Variants in SI observed in about 807,000 individuals in gnomAD.
SI encodes sucrase-isomaltase, also known as sucrase-isomaltase, intestinal.
Under a neutral mutation model 253.3 loss-of-function variants are expected in SI, and 235 were observed. That is an observed-to-expected ratio of 0.93 (90% CI 0.83 to 1.03). SI has a LOEUF of 1.03. Ranked by LOEUF, SI falls within the 50% of genes least tolerant of loss-of-function variation. SI has a pLI of 0.00. For missense variants in SI, 2,442 were observed against 2,211.1 expected, an observed-to-expected ratio of 1.10 and a Z score of -2.09; for synonymous variants, 819 against 712.0, an observed-to-expected ratio of 1.15 and a Z score of -2.39.
At position 165,063,484 on chromosome 3, in the gene SI, C is replaced by A; in HGVS notation, c.865G>T (p.Gly289Ter). The A allele has an allele frequency of 1.3e-6, 2 of 1,563,278 alleles. No individual in the cohort carries two copies. The highest frequency in any genetic ancestry group is 1.8e-6 in the Non-Finnish European group (2 of 1,137,406). ...TFFMCIEDTS[G>*]KSFGVFLMNS... ...ATTAAAAAAACACCGAATGACTTTC[C>A]AGATGTATCTTCAATACACATAAAG... Residue 289 changes from glycine to a stop codon, truncating the protein, a stop_gained, in exon 8 of 48, where the codon GGA becomes TGA. Coordinates refer to ENST00000264382, the MANE Select transcript of SI (RefSeq NM_001041.4). LOFTEE classifies it high-confidence loss of function.
chr3:165,054,102 T>A (rs12186083), intron 13 of SI, among the ~76,000 whole-genome samples: 4 of 151,830 alleles, frequency 2.6e-5, no homozygotes, highest in African/African-American at 9.7e-5. Context: ...GATAGATACA[T>A]GGTGCAAAAT....
At chr3:165,009,146 G>T in intron 35 of SI, 133 bp downstream of exon 35, 1 of 658,454 alleles carries the variant, frequency 1.5e-6, no homozygotes, top group Non-Finnish European at 2.7e-6. Context: ...GTGTAAGAAA[G>T]TTCTGTGGGG....
chr3:165,028,115 A>G (rs2108197232), intron 25 of SI, among the ~76,000 whole-genome samples: 1 of 151,586 alleles, frequency 6.6e-6, no homozygotes, highest in South Asian at 2.1e-4. Flanking sequence ...TAACGTACAG[A>G]AGTCAGTAGC....
chr3:165,024,212 C>T (rs549485104), intron 25 of SI, among the ~76,000 whole-genome samples: 1 of 151,434 alleles, frequency 6.6e-6, no homozygotes, highest in East Asian at 1.9e-4. Flanking sequence ...ATGAAACTCT[C>T]AATCCTTCTT....
At chr3:164,984,828 A>T (rs1247327051) in intron 45 of SI, among the ~76,000 whole-genome samples, 2 of 152,154 alleles carry the variant, frequency 1.3e-5, no homozygotes, top group Non-Finnish European at 2.9e-5. Context: ...TTCAGATTGG[A>T]TGCCCATCAA....
chr3:165,040,209 A>G (rs1353553964), intron 18 of SI, among the ~76,000 whole-genome samples: 1 of 150,244 alleles, frequency 6.7e-6, no homozygotes, highest in African/African-American at 2.4e-5. Flanking sequence ...AGAAAGGAAA[A>G]GGAAGAAATG....
chr3:165,047,035 A>T, intron 15 of SI, 23 bp from the exon 16 acceptor site: 4 of 1,492,744 alleles, frequency 2.7e-6, no homozygotes, highest in Non-Finnish European at 3.7e-6. Context: ...CCAAATTAAC[A>T]AATACAATTT....
intron 25 of SI, among the ~76,000 whole-genome samples, chr3:165,026,458 T>G: frequency 6.6e-6 from 1 of 151,448 alleles, no homozygotes; most frequent in South Asian, 2.1e-4. Flanking sequence ...ACAATGGATT[T>G]AAACCATACC....
intron 34 of SI, among the ~76,000 whole-genome samples, chr3:165,010,597 TTAA>T (rs1240218995): frequency 2.6e-5 from 4 of 152,232 alleles, no homozygotes; most frequent in African/African-American, 9.6e-5. Flanking sequence ...CGTATGATAA[TTAA>T]TAACAAATGG....
At chr3:165,076,974 G>GTTTTTTTTTTTTTTTTTTTTTTTT (rs1234651334) in intron 1 of SI, among the ~76,000 whole-genome samples, 1 of 137,022 alleles carries the variant, frequency 7.3e-6, no homozygotes. Flanking sequence ...TAAAATCACG[G>GTTTTTTTTTTTTTTTTTTTTTTTT]TTTGTTTTTT....
intron 45 of SI, among the ~76,000 whole-genome samples, 191 bp downstream of exon 45, chr3:164,986,945 TAA>T (rs1433691909): frequency 6.6e-6 from 1 of 152,232 alleles, no homozygotes; most frequent in African/African-American, 2.4e-5. Flanking sequence ...ATATTTAGGA[TAA>T]GAGAAGTCTT....
chr3:165,029,632 T>TTATA (rs539892327), intron 25 of SI, among the ~76,000 whole-genome samples: 1 of 91,310 alleles, frequency 1.1e-5, no homozygotes, highest in African/African-American at 2.9e-5. Context: ...AACATTAGCC[T>TTATA]TATATATATA....
At chr3:165,085,358 TTTC>T in the SI span, among the ~76,000 whole-genome samples, 1 of 152,160 alleles carries the variant, frequency 6.6e-6, no homozygotes, top group Non-Finnish European at 1.5e-5. Context: ...GACGTGGACC[TTTC>T]TAATTCTTCA....
intron 21 of SI, 92 bp from the exon 22 acceptor site, chr3:165,036,569 T>C (rs964511353): frequency 1.2e-6 from 1 of 817,040 alleles, no homozygotes; most frequent in South Asian, 1.4e-5. Context: ...CTGTCTGTTT[T>C]ATGGGCCCTG....
At chr3:164,990,455 A>T (rs1031090776) in intron 44 of SI, among the ~76,000 whole-genome samples, 6 of 152,234 alleles carry the variant, frequency 3.9e-5, no homozygotes, top group African/African-American at 1.4e-4. Flanking sequence ...TTCTTACTTT[A>T]AGAGGGAATA....
intron 3 of SI, among the ~76,000 whole-genome samples, chr3:165,070,226 GAATAAA>G (rs983844325): frequency 1.4e-5 from 2 of 140,140 alleles, no homozygotes; most frequent in Non-Finnish European, 3.0e-5. Context: ...TGTTTATATA[GAATAAA>G]AATACACATA....
chr3:165,067,606 T>G (rs994345129), intron 5 of SI, 115 bp from the exon 6 acceptor site: 4 of 892,054 alleles, frequency 4.5e-6, no homozygotes, highest in Non-Finnish European at 7.3e-6. Flanking sequence ...ATTAGTTTCA[T>G]AGAAGAGTAT....
At chr3:165,048,569 A>ATG (rs1713251881) in intron 15 of SI, among the ~76,000 whole-genome samples, 9 of 55,306 alleles carry the variant, frequency 1.6e-4, no homozygotes, top group Non-Finnish European at 3.4e-4. Flanking sequence ...ATATATATGT[A>ATG]TATATATATA....
At chr3:164,996,030 C>A (rs1421491997) in intron 40 of SI, among the ~76,000 whole-genome samples, 1 of 151,814 alleles carries the variant, frequency 6.6e-6, no homozygotes, top group East Asian at 1.9e-4. Context: ...AGTTATGTCT[C>A]TATTGTCCAG....
Sources: allele counts gnomAD v4.1 joint callset (sites outside exome capture counted in the v4.1 genomes callset), GRCh38; gene constraint gnomAD v4.1.1; transcripts MANE v1.5; gene names NCBI Gene and HGNC (gene_info 2026-07-23, HGNC 2026-07-21).